Variants in CDH22 observed in about 807,000 individuals in gnomAD.
CDH22 encodes the protein cadherin-22.
A neutral mutation model predicts 58.4 loss-of-function variants in CDH22; 30 were observed. The observed-to-expected ratio is 0.51, with a 90% CI of 0.38 to 0.70. CDH22 has a LOEUF of 0.70. CDH22 is among the 30% of genes least tolerant of loss of function. The pLI is 0.00. For missense variants in CDH22, 1,014 were observed against 1,233.9 expected, an observed-to-expected ratio of 0.82 and a Z score of 2.67; for synonymous variants, 513 against 558.2, an observed-to-expected ratio of 0.92 and a Z score of 1.14.
chr20:46,220,792 T>C (rs1191420451), intron 4 of CDH22: 2 of 152,398 alleles, frequency 1.3e-5, no homozygotes, highest in East Asian at 1.9e-4. Context: ...TTGTGGTGTG[T>C]AGGATTCAGG....
At position 46,303,447 on chromosome 20, in the gene CDH22, T is replaced by C. The variant is rs137943975; in HGVS notation, c.-400+4808A>G. On this transcript the variant is annotated intron_variant, in intron 1 of 11. Transcript: ENST00000537909. ...CTTCCTCCCTGGACCACCAGACTCC[T>C]GTCAGCTGGGATTCAGGCTGCTTGC... is the stretch of plus-strand genomic sequence containing the variant. Among the ~76,000 whole-genome samples, 403 of 152,366 alleles carry C rather than the reference T, an allele frequency of 2.6e-3. 6 individuals carry two copies. The East Asian group carries it at 0.038, about 14-fold the overall frequency.
At chr20:46,266,252 T>C (rs111655865) in intron 1 of CDH22, among the ~76,000 whole-genome samples, 15 of 152,304 alleles carry the variant, frequency 9.8e-5, no homozygotes, top group African/African-American at 3.6e-4. Context: ...TACTCTGGGC[T>C]GGGGTGGGAA....
chr20:46,224,456 G>A (rs1295102338), intron 4 of CDH22, among the ~76,000 whole-genome samples: 1 of 152,208 alleles, frequency 6.6e-6, no homozygotes, highest in Non-Finnish European at 1.5e-5. Context: ...GGAAACTGAA[G>A]CTTTAAGAGA....
intron 8 of CDH22, among the ~76,000 whole-genome samples, chr20:46,188,641 G>T (rs1038397701): frequency 6.6e-6 from 1 of 152,102 alleles, no homozygotes; most frequent in Non-Finnish European, 1.5e-5. Context: ...AGACATTCTC[G>T]AAGGGTCCTA....
At chr20:46,280,429 C>A (rs2086545147) in intron 1 of CDH22, among the ~76,000 whole-genome samples, 1 of 152,154 alleles carries the variant, frequency 6.6e-6, no homozygotes, top group Non-Finnish European at 1.5e-5. Flanking sequence ...ACAATAACAA[C>A]AACAACAACA....
At chr20:46,209,254 C>T (rs1471619881) in intron 7 of CDH22, among the ~76,000 whole-genome samples, 2 of 152,084 alleles carry the variant, frequency 1.3e-5, no homozygotes, top group Non-Finnish European at 2.9e-5. Context: ...GCTATTAGGG[C>T]GAGAACGTTC....
intron 1 of CDH22, among the ~76,000 whole-genome samples, chr20:46,254,873 T>C (rs2086398813): frequency 6.6e-6 from 1 of 152,122 alleles, no homozygotes. Context: ...GAGGTTGGAA[T>C]GAGCTGAGAT....
intron 3 of CDH22, among the ~76,000 whole-genome samples, chr20:46,238,842 T>C (rs948320939): frequency 6.6e-6 from 1 of 152,242 alleles, no homozygotes; most frequent in Non-Finnish European, 1.5e-5. Context: ...TGCCCATCTA[T>C]TCTTCATGAA....
At chr20:46,263,406 C>CTCTGTG (rs1555806371) in intron 1 of CDH22, among the ~76,000 whole-genome samples, 4,173 of 150,478 alleles carry the variant, frequency 0.028, 185 homozygotes, top group African/African-American at 0.096. Context: ...GCCTTCCATT[C>CTCTGTG]TGTGTGTGTG....
chr20:46,179,784 C>G (rs971103745), intron 10 of CDH22, among the ~76,000 whole-genome samples: 3 of 152,116 alleles, frequency 2.0e-5, no homozygotes, highest in Non-Finnish European at 2.9e-5. Context: ...AGAAAAGTTC[C>G]CAGCCCATAG....
chr20:46,303,469 T>C (rs956012777), intron 1 of CDH22, among the ~76,000 whole-genome samples: 3 of 152,232 alleles, frequency 2.0e-5, no homozygotes, highest in Admixed American at 2.0e-4. Context: ...TTCAGGCTGC[T>C]TGCTCACCAT....
At position 46,222,870 on chromosome 20, in the gene CDH22, C is replaced by T. The variant is rs575640772; in HGVS notation, c.670+4638G>A. Among the ~76,000 whole-genome samples, 15 of 152,388 alleles carry T rather than the reference C, an allele frequency of 9.8e-5. No individual in the cohort carries two copies. In the South Asian group the frequency reaches 2.5e-3, roughly 25 times the overall value. ...TCCCTCACACCTTCCTCCCAGGCCC[C>T]GTTCCGGCTCTGCTCCCTGCTATCT... is the stretch of plus-strand genomic sequence containing the variant. On this transcript the variant is annotated intron_variant, in intron 4 of 11. Coordinates refer to ENST00000537909, the MANE Select transcript of CDH22 (RefSeq NM_021248.3).
rs1269006885 is a variant in CDH22, at chr20:46,251,448, G to A, written c.-154C>T. 1.2e-6 allele frequency: 1 copy of A among 851,842 alleles called. No homozygotes were observed. The highest frequency in any genetic ancestry group is 1.6e-6 in the Non-Finnish European group (1 of 633,186). 52.8% of individuals were successfully genotyped at this position (851,842 alleles called of 1,614,324 possible). A position where few individuals can be genotyped will look rare whatever the true frequency, so the allele number is the denominator to read the frequency against. ...CGACGGGGCACCCGGACGGGCCCGCGGCCCTGAACGCCGCCCAGCCGCGGG... is the reference window on the plus strand; with the variant it reads ...CGACGGGGCACCCGGACGGGCCCGCAGCCCTGAACGCCGCCCAGCCGCGGG... On this transcript the variant is annotated 5_prime_UTR_variant, in exon 2 of 12. Transcript: ENST00000537909. The surrounding 1 kb of genome is among the most constrained non-coding windows in gnomAD (Gnocchi z 6.7).
chr20:46,231,317 T>A (rs1017815985), intron 3 of CDH22, among the ~76,000 whole-genome samples: 1 of 152,182 alleles, frequency 6.6e-6, no homozygotes, highest in Non-Finnish European at 1.5e-5. Flanking sequence ...AAATCAGAGC[T>A]TCTCAACTTG....
At chr20:46,203,347 G>A (rs1206252058) in intron 7 of CDH22, among the ~76,000 whole-genome samples, 5 of 152,020 alleles carry the variant, frequency 3.3e-5, no homozygotes, top group Non-Finnish European at 5.9e-5. Flanking sequence ...GGGTGGGGGC[G>A]AAGCTTGTGC....
intron 1 of CDH22, among the ~76,000 whole-genome samples, chr20:46,277,503 T>C (rs1463763638): frequency 6.6e-6 from 1 of 152,248 alleles, no homozygotes; most frequent in African/African-American, 2.4e-5. Flanking sequence ...CTTTTTTCTC[T>C]ATCGTTCTTT....
intron 7 of CDH22, among the ~76,000 whole-genome samples, chr20:46,206,423 C>T (rs2145681656): frequency 6.6e-6 from 1 of 152,358 alleles, no homozygotes; most frequent in African/African-American, 2.4e-5. Flanking sequence ...AAAAATCTCT[C>T]TGTACTGTCT....
intron 3 of CDH22, among the ~76,000 whole-genome samples, chr20:46,232,550 T>C (rs562009950): frequency 6.6e-6 from 1 of 152,346 alleles, no homozygotes; most frequent in East Asian, 1.9e-4. Context: ...TCATCCTGCC[T>C]CTTCCCTACC....
At chr20:46,238,935 G>A (rs117777344) in intron 3 of CDH22, among the ~76,000 whole-genome samples, 8 of 152,362 alleles carry the variant, frequency 5.3e-5, no homozygotes, top group South Asian at 4.1e-4. Flanking sequence ...AAAAGGCAAC[G>A]CCCTGGCTAT....
Sources: allele counts gnomAD v4.1 joint callset (sites outside exome capture counted in the v4.1 genomes callset), GRCh38; gene constraint gnomAD v4.1.1; non-coding constraint Gnocchi (gnomAD v3.1); transcripts MANE v1.5; gene names NCBI Gene and HGNC (gene_info 2026-07-23, HGNC 2026-07-21).